NELL1: variants seen among roughly 807,000 people sequenced by gnomAD.
NELL1 encodes the protein protein kinase C-binding protein NELL1.
A neutral mutation model predicts 107.4 loss-of-function variants in NELL1; 76 were observed. That is an observed-to-expected ratio of 0.71 (90% CI 0.59 to 0.86). The LOEUF (loss-of-function observed/expected upper bound fraction) is 0.86. Ranked by LOEUF, NELL1 falls within the 40% of genes least tolerant of loss-of-function variation. The pLI is 0.00. For missense variants in NELL1, 1,024 were observed against 1,005.5 expected (o/e 1.02, Z -0.25); for synonymous variants, 353 against 341.2 (o/e 1.03, Z -0.38).
At chr11:21,329,520 C>G (rs1329237562) in intron 14 of NELL1, among the ~76,000 whole-genome samples, 1 of 152,118 alleles carries the variant, frequency 6.6e-6, no homozygotes, top group African/African-American at 2.4e-5. Flanking sequence ...AGCAAATTAA[C>G]ATATTCATCA....
chr11:20,773,978 C>T (rs745912273), intron 2 of NELL1, among the ~76,000 whole-genome samples: 24 of 151,826 alleles, frequency 1.6e-4, no homozygotes, highest in Admixed American at 1.1e-3. Context: ...TCCCCTCTCT[C>T]TTTCTTCTCT....
At chr11:20,754,061 A>G (rs1213122295) in intron 2 of NELL1, among the ~76,000 whole-genome samples, 1 of 152,176 alleles carries the variant, frequency 6.6e-6, no homozygotes, top group Non-Finnish European at 1.5e-5. Context: ...CTACCCATAG[A>G]GTTGCAGGGT....
chr11:20,872,469 C>A (rs1185256993), intron 4 of NELL1, among the ~76,000 whole-genome samples: 1 of 152,166 alleles, frequency 6.6e-6, no homozygotes. Flanking sequence ...GTATGAGCCA[C>A]ATGGGGCCAG....
At chr11:21,336,674 T>TATATATATATATATATACACAC (rs55720144) in intron 14 of NELL1, among the ~76,000 whole-genome samples, 1 of 130,526 alleles carries the variant, frequency 7.7e-6, no homozygotes, top group African/African-American at 2.9e-5. Flanking sequence ...TATATATATA[T>TATATATATATATATATACACAC]ACACACACAC....
intron 12 of NELL1, among the ~76,000 whole-genome samples, chr11:21,011,995 G>T (rs574180143): frequency 6.6e-6 from 1 of 152,126 alleles, no homozygotes; most frequent in East Asian, 1.9e-4. Context: ...CCCCTCTAGG[G>T]TGCCAACCAC....
chr11:21,009,220 G>T (rs1421432214), intron 12 of NELL1, among the ~76,000 whole-genome samples: 1 of 152,078 alleles, frequency 6.6e-6, no homozygotes, highest in Non-Finnish European at 1.5e-5. Context: ...ATTCTCCTCG[G>T]CATTGATCCA....
At chr11:20,970,407 A>C (rs922444983) in intron 12 of NELL1, among the ~76,000 whole-genome samples, 1 of 150,282 alleles carries the variant, frequency 6.7e-6, no homozygotes, top group Non-Finnish European at 1.5e-5. Flanking sequence ...ATTAAGCCAT[A>C]GATCGTATCC....
chr11:21,566,557 AT>A, intron 17 of NELL1, among the ~76,000 whole-genome samples: 1 of 152,078 alleles, frequency 6.6e-6, no homozygotes, highest in Non-Finnish European at 1.5e-5. Flanking sequence ...AACTTGCAGT[AT>A]AAAATTGCAT....
chr11:21,313,263 T>C (rs1368515520), intron 14 of NELL1, among the ~76,000 whole-genome samples: 1 of 152,104 alleles, frequency 6.6e-6, no homozygotes, highest in African/African-American at 2.4e-5. Flanking sequence ...TTCTCTGTAA[T>C]GCATGTTTTG....
intron 13 of NELL1, among the ~76,000 whole-genome samples, chr11:21,213,288 A>G (rs1205776847): frequency 6.6e-6 from 1 of 152,178 alleles, no homozygotes; most frequent in African/African-American, 2.4e-5. Context: ...TATAGTAAAG[A>G]TGTCAATTCT....
At chr11:21,295,303 A>T (rs921530356) in intron 14 of NELL1, among the ~76,000 whole-genome samples, 1 of 152,068 alleles carries the variant, frequency 6.6e-6, no homozygotes, top group Admixed American at 6.6e-5. Context: ...ATGTTGGATT[A>T]ACTAGATATT....
At chr11:20,753,557 T>G (rs1231451572) in intron 2 of NELL1, among the ~76,000 whole-genome samples, 2 of 151,958 alleles carry the variant, frequency 1.3e-5, no homozygotes, top group East Asian at 1.9e-4. Flanking sequence ...TATTTTTAGG[T>G]GCCGGTCTCC....
rs147493946 is a variant in NELL1, at chr11:21,391,674, G to T, written c.1645+20726G>T. On this transcript the variant is annotated intron_variant, in intron 15 of 19. Coordinates refer to ENST00000357134, the MANE Select transcript of NELL1 (RefSeq NM_006157.5). ...GCTTTCTGAATGTTTTTGAGACAGG[G>T]TCTCACCCTACCCAGTCTGGAGTGC... Among the ~76,000 whole-genome samples the T allele has an allele frequency of 5.3e-3, 811 of 151,656 alleles. 6 individuals are homozygous for T. Among genetic ancestry groups the T allele is most frequent in the African/African-American group, 0.016 (659 of 41,412 alleles).
chr11:20,815,939 A>G (rs1408534835), intron 3 of NELL1, among the ~76,000 whole-genome samples: 1 of 152,064 alleles, frequency 6.6e-6, no homozygotes, highest in African/African-American at 2.4e-5. Flanking sequence ...ATTTTTGTCA[A>G]CTTTACCAAA....
chr11:20,788,717 AT>A (rs1433383365), intron 3 of NELL1, among the ~76,000 whole-genome samples: 1 of 150,482 alleles, frequency 6.6e-6, no homozygotes, highest in Admixed American at 6.6e-5. Flanking sequence ...TTTATTTTTT[AT>A]TTTTTGTGAT....
At chr11:20,738,367 G>A (rs1265902728) in intron 2 of NELL1, among the ~76,000 whole-genome samples, 1 of 152,130 alleles carries the variant, frequency 6.6e-6, no homozygotes, top group South Asian at 2.1e-4. Context: ...TTGAGGTGCT[G>A]TCAGGTCACT....
intron 14 of NELL1, among the ~76,000 whole-genome samples, chr11:21,354,650 A>G (rs1395832299): frequency 6.6e-6 from 1 of 152,232 alleles, no homozygotes; most frequent in East Asian, 1.9e-4. Flanking sequence ...AATGCTTTAC[A>G]AATCTGAGAA....
intron 4 of NELL1, among the ~76,000 whole-genome samples, chr11:20,865,197 G>C (rs889437338): frequency 3.4e-4 from 52 of 152,182 alleles, no homozygotes; most frequent in African/African-American, 1.1e-3. Flanking sequence ...TAGAGATGAA[G>C]ACGAATACAA....
intron 5 of NELL1, among the ~76,000 whole-genome samples, chr11:20,916,311 A>G (rs886502739): frequency 6.6e-6 from 1 of 151,998 alleles, no homozygotes; most frequent in Non-Finnish European, 1.5e-5. Flanking sequence ...AGAGATGCCC[A>G]TAGAGGAAAG....
Sources: gnomAD v4.1 joint callset for allele counts (sites outside exome capture counted in the v4.1 genomes callset) on GRCh38, gnomAD v4.1.1 for gene constraint, MANE v1.5 for transcripts, NCBI Gene and HGNC (gene_info 2026-07-23, HGNC 2026-07-21) for gene names.